Variants in MARCHF1 observed in about 807,000 individuals in gnomAD.
MARCHF1 encodes membrane associated ring-CH-type finger 1, also known as E3 ubiquitin-protein ligase MARCHF1.
In MARCHF1, 40 loss-of-function variants were observed where a neutral mutation model predicts 54.2. The observed-to-expected ratio is 0.74, with a 90% CI of 0.57 to 0.96. The LOEUF is 0.96. MARCHF1 is among the 40% of genes least tolerant of loss of function. The pLI, the probability that MARCHF1 is intolerant of heterozygous loss-of-function variation, is 0.00. For missense variants in MARCHF1, 586 were observed against 656.5 expected (o/e 0.89, Z 1.17); for synonymous variants, 236 against 236.3 (o/e 1.00, Z 0.01).
intron 3 of MARCHF1, among the ~76,000 whole-genome samples, chr4:163,935,938 C>T (rs1751786014): frequency 6.6e-6 from 1 of 152,138 alleles, no homozygotes; most frequent in African/African-American, 2.4e-5. Flanking sequence ...AACATGCCTT[C>T]CTCACTAAGC....
chr4:163,669,680 C>T (rs1743663150), intron 5 of MARCHF1, among the ~76,000 whole-genome samples: 1 of 151,666 alleles, frequency 6.6e-6, no homozygotes, highest in South Asian at 2.1e-4. Flanking sequence ...CTCACTACAA[C>T]CTCTGCCTCC....
intron 4 of MARCHF1, among the ~76,000 whole-genome samples, chr4:163,831,711 A>G (rs1327680400): frequency 6.6e-6 from 1 of 152,242 alleles, no homozygotes; most frequent in Non-Finnish European, 1.5e-5. Context: ...TGTTTGAGGA[A>G]ACAGGAAAGG....
intron 1 of MARCHF1, among the ~76,000 whole-genome samples, chr4:164,179,944 C>A (rs374327624): frequency 1.6e-4 from 24 of 148,390 alleles, no homozygotes; most frequent in African/African-American, 5.5e-4. Context: ...CAAGGATATA[C>A]TAGGAAAAAA....
intron 3 of MARCHF1, among the ~76,000 whole-genome samples, chr4:163,981,275 C>T (rs935373396): frequency 6.6e-6 from 1 of 152,186 alleles, no homozygotes; most frequent in Non-Finnish European, 1.5e-5. Flanking sequence ...AGTAAGTCCA[C>T]ATCATTTGCC....
At chr4:164,010,732 C>A (rs1753403163) in intron 2 of MARCHF1, among the ~76,000 whole-genome samples, 1 of 152,004 alleles carries the variant, frequency 6.6e-6, no homozygotes, top group Non-Finnish European at 1.5e-5. Context: ...CATCAGAATA[C>A]CAATGTTATC....
chr4:164,360,033 A>T (rs1730679785), intron 1 of MARCHF1, among the ~76,000 whole-genome samples: 1 of 152,046 alleles, frequency 6.6e-6, no homozygotes, highest in Admixed American at 6.6e-5. Context: ...CACTCCGCGC[A>T]ATCAGTATGC....
At chr4:164,253,058 A>G (rs1434583895) in intron 1 of MARCHF1, among the ~76,000 whole-genome samples, 1 of 152,140 alleles carries the variant, frequency 6.6e-6, no homozygotes, top group East Asian at 1.9e-4. Flanking sequence ...CAACAGTGGT[A>G]TAACAATAAA....
In MARCHF1 at chr4:164,032,218, G is replaced by T. The variant is rs184299965; in HGVS notation, c.-247-43509C>A. On this transcript the variant is annotated intron_variant, in intron 2 of 9. Coordinates refer to ENST00000514618, the MANE Select transcript of MARCHF1 (RefSeq NM_001394959.1). ...TCTTATTGTGTCTATTTGATTCTTC[G>T]CTCTTTTCTCCTTTATTAGTCTAGC... Among the ~76,000 whole-genome samples the T allele has an allele frequency of 5.5e-4, 84 of 151,702 alleles. 1 individual carries two copies. The highest frequency in any genetic ancestry group is 1.9e-3 in the African/African-American group (79 of 41,354).
intron 1 of MARCHF1, among the ~76,000 whole-genome samples, chr4:164,134,001 T>C (rs1049073405): frequency 6.6e-6 from 1 of 152,240 alleles, no homozygotes; most frequent in Non-Finnish European, 1.5e-5. Context: ...TTTATAACCC[T>C]AGCATAGTAA....
intron 4 of MARCHF1, among the ~76,000 whole-genome samples, chr4:163,765,945 T>C (rs1362818405): frequency 6.8e-6 from 1 of 147,826 alleles, no homozygotes; most frequent in Non-Finnish European, 1.5e-5. Flanking sequence ...TAAATATATA[T>C]AATATATAGT....
At chr4:164,071,164 T>G (rs1754855438) in intron 2 of MARCHF1, among the ~76,000 whole-genome samples, 1 of 152,222 alleles carries the variant, frequency 6.6e-6, no homozygotes, top group South Asian at 2.1e-4. Flanking sequence ...TTTGACCTTT[T>G]TCAAATGTAA....
chr4:163,607,109 C>T (rs1741170116), intron 7 of MARCHF1, among the ~76,000 whole-genome samples: 1 of 152,088 alleles, frequency 6.6e-6, no homozygotes, highest in African/African-American at 2.4e-5. Flanking sequence ...GAGAGAACCA[C>T]ATTGTTTCTG....
chr4:164,174,024 A>G (rs1257686074), intron 1 of MARCHF1, among the ~76,000 whole-genome samples: 1 of 152,238 alleles, frequency 6.6e-6, no homozygotes, highest in East Asian at 1.9e-4. Context: ...GTCTCACACT[A>G]TAAGGTCAAC....
At chr4:164,092,796 C>G (rs963694410) in intron 2 of MARCHF1, among the ~76,000 whole-genome samples, 6 of 152,110 alleles carry the variant, frequency 3.9e-5, no homozygotes, top group Non-Finnish European at 5.9e-5. Flanking sequence ...GTTACGTTGA[C>G]TGATCTCAAT....
intron 3 of MARCHF1, among the ~76,000 whole-genome samples, chr4:163,981,409 G>T (rs1359461296): frequency 6.6e-6 from 1 of 152,200 alleles, no homozygotes; most frequent in Non-Finnish European, 1.5e-5. Flanking sequence ...CTTTTCTTCA[G>T]TCTCCTTTTC....
intron 4 of MARCHF1, among the ~76,000 whole-genome samples, chr4:163,842,025 G>A (rs980199390): frequency 6.6e-6 from 1 of 152,062 alleles, no homozygotes; most frequent in East Asian, 1.9e-4. Context: ...CAACTAAGAG[G>A]TGGCTTTTGG....
At position 163,716,334 on chromosome 4, in the gene MARCHF1, C is replaced by T. The variant is rs577420402; in HGVS notation, c.112-15471G>A. 2.2e-4 allele frequency among the ~76,000 whole-genome samples: 33 copies of T among 152,180 alleles called. No homozygotes were observed. In the East Asian group the frequency reaches 2.9e-3, roughly 13 times the overall value. ...ATGCACAATATTATGTTTATTTGTA[C>T]GGTGTACCTTGCAAATTGCCTCCTG... On this transcript the variant is annotated intron_variant, in intron 4 of 9. Transcript: ENST00000514618.
intron 1 of MARCHF1, among the ~76,000 whole-genome samples, chr4:164,211,772 T>C (rs1400521506): frequency 6.6e-6 from 1 of 151,804 alleles, no homozygotes; most frequent in Non-Finnish European, 1.5e-5. Flanking sequence ...TGAGTTGAAG[T>C]GAAAAGAAGC....
intron 7 of MARCHF1, among the ~76,000 whole-genome samples, chr4:163,598,584 CA>C (rs1249589022): frequency 2.0e-5 from 3 of 152,114 alleles, no homozygotes; most frequent in Non-Finnish European, 2.9e-5. Context: ...AGTTGTAACA[CA>C]ACGATAAGTA....
Sources: allele counts gnomAD v4.1 joint callset (sites outside exome capture counted in the v4.1 genomes callset), GRCh38; gene constraint gnomAD v4.1.1; transcripts MANE v1.5; gene names NCBI Gene and HGNC (gene_info 2026-07-23, HGNC 2026-07-21).